Variants in SLC7A14 observed in about 807,000 individuals in gnomAD.
SLC7A14 encodes solute carrier family 7 member 14.
A neutral mutation model predicts 60.2 loss-of-function variants in SLC7A14; 37 were observed. The observed-to-expected ratio is 0.61, with a 90% confidence interval of 0.47 to 0.81. The LOEUF (loss-of-function observed/expected upper bound fraction) is 0.81. Ranked by LOEUF, SLC7A14 falls within the 30% of genes least tolerant of loss-of-function variation. The pLI, the probability that SLC7A14 is intolerant of heterozygous loss-of-function variation, is 0.00. For missense variants in SLC7A14, 886 were observed against 982.7 expected (o/e 0.90, Z 1.32); for synonymous variants, 399 against 395.8 (o/e 1.01, Z -0.10).
chr3:170,459,947 G>C lies in SLC7A14; in HGVS notation c.*7108C>G, dbSNP rs1739561422. On this transcript the variant is annotated 3_prime_UTR_variant, in exon 8 of 8. Transcript: ENST00000231706. ...GCATTTATTAAAATATACACATTTT[G>C]TTAAATTTAGAATTTTCCCTTAGTA... is the stretch of plus-strand genomic sequence containing the variant. 1 of 152,086 alleles carries C rather than the reference G, an allele frequency of 6.6e-6. No homozygotes were observed. The highest frequency in any genetic ancestry group is 1.5e-5 in the Non-Finnish European group (1 of 68,000). The allele number at this position is 152,086 out of a possible 1,614,324, so 9.4% of individuals were successfully genotyped here. A position where few individuals can be genotyped will look rare whatever the true frequency, so the allele number is the denominator to read the frequency against.
At chr3:170,499,793 G>T (rs915857900) in intron 3 of SLC7A14, among the ~76,000 whole-genome samples, 5 of 152,172 alleles carry the variant, frequency 3.3e-5, no homozygotes, top group South Asian at 2.1e-4. Flanking sequence ...CAGCTGCAGG[G>T]ATCTTGAATT....
chr3:170,556,462 C>T (rs1270617428), intron 1 of SLC7A14, among the ~76,000 whole-genome samples: 1 of 152,206 alleles, frequency 6.6e-6, no homozygotes, highest in Non-Finnish European at 1.5e-5. Context: ...TTAATCATGT[C>T]TACTTTGCAG....
At chr3:170,534,149 A>G (rs946952007) in intron 1 of SLC7A14, among the ~76,000 whole-genome samples, 3 of 152,170 alleles carry the variant, frequency 2.0e-5, no homozygotes, top group Non-Finnish European at 4.4e-5. Flanking sequence ...TACAATGGTG[A>G]TGTTTGTCTC....
chr3:170,553,418 G>A (rs1283526221), intron 1 of SLC7A14, among the ~76,000 whole-genome samples: 7 of 152,144 alleles, frequency 4.6e-5, no homozygotes, highest in Admixed American at 2.0e-4. Flanking sequence ...CAATCTGTAC[G>A]TGTAATTTTA....
intron 1 of SLC7A14, among the ~76,000 whole-genome samples, chr3:170,541,436 A>T (rs1333683503): frequency 6.6e-6 from 1 of 152,024 alleles, no homozygotes; most frequent in Non-Finnish European, 1.5e-5. Flanking sequence ...CATCTCTATC[A>T]AAAGAAAAAA....
At chr3:170,571,410 A>G (rs1321654074) in intron 1 of SLC7A14, among the ~76,000 whole-genome samples, 1 of 152,218 alleles carries the variant, frequency 6.6e-6, no homozygotes, top group Non-Finnish European at 1.5e-5. Context: ...TTGTTTTTGT[A>G]AGCAGTAAGT....
chr3:170,481,091 G>A lies in SLC7A14; in HGVS notation c.1191C>T (p.Leu397=). The A allele has an allele frequency of 6.2e-7, 1 of 1,614,132 alleles. No individual in the cohort carries two copies. Among genetic ancestry groups the A allele is most frequent in the East Asian group, 2.2e-5 (1 of 44,872 alleles). Residue 397 remains leucine, a synonymous_variant, in exon 7 of 8, where the codon CTC becomes CTT. Coordinates refer to ENST00000231706, the MANE Select transcript of SLC7A14 (RefSeq NM_020949.3). ...CTCTCAAGCTGACCAACAGTGCGAG[G>A]AGCGCTGCCAGGAACCCCGACACGA... ...ACIVSGFLAA[L]LALLVSLRDL... is the part of the protein sequence containing the mutation.
intron 1 of SLC7A14, among the ~76,000 whole-genome samples, chr3:170,551,926 TTATC>T (rs556549891): frequency 4.7e-4 from 71 of 152,322 alleles, no homozygotes; most frequent in African/African-American, 1.7e-3. Context: ...GTAGTCTAAT[TTATC>T]TATTTTTCCT....
At chr3:170,507,413 C>T (rs1020696950) in intron 2 of SLC7A14, among the ~76,000 whole-genome samples, 1 of 152,136 alleles carries the variant, frequency 6.6e-6, no homozygotes, top group Non-Finnish European at 1.5e-5. Context: ...TCTTGGAGCT[C>T]AGTGCGGTGA....
chr3:170,536,536 A>T (rs1033377983), intron 1 of SLC7A14, among the ~76,000 whole-genome samples: 1 of 152,202 alleles, frequency 6.6e-6, no homozygotes, highest in Non-Finnish European at 1.5e-5. Flanking sequence ...GTCATTTCTA[A>T]ATACATGCAG....
intron 7 of SLC7A14, among the ~76,000 whole-genome samples, chr3:170,469,516 G>C (rs941593546): frequency 1.3e-4 from 20 of 151,996 alleles, no homozygotes; most frequent in African/African-American, 4.6e-4. Context: ...GTGGCTATGG[G>C]GGATGGTTAT....
At chr3:170,584,777 C>T (rs775260361) in intron 1 of SLC7A14, among the ~76,000 whole-genome samples, 1 of 152,182 alleles carries the variant, frequency 6.6e-6, no homozygotes, top group Non-Finnish European at 1.5e-5. Flanking sequence ...CCAGCGCTCT[C>T]CTAGACCCTA....
chr3:170,526,856 T>C lies in SLC7A14; in HGVS notation c.81A>G (p.Leu27=), dbSNP rs1012378883. ...GCATGGACTCCACTGGTTTGGTGCG[T>C]AGGATCCTGGAGTGCATTGCATACC... ...AAWYAMHSRI[L]RTKPVESMLE... is the part of the protein sequence containing the mutation. The change falls in exon 2 of 8, where the codon CTA becomes CTG. Residue 27 remains leucine, a synonymous_variant. Transcript: ENST00000231706. 1 of 1,614,048 alleles carries C rather than the reference T, an allele frequency of 6.2e-7. No homozygotes were observed.
rs919715051 is a variant in SLC7A14, at chr3:170,464,326, C to T, written c.*2729G>A. The T allele has an allele frequency of 3.9e-5, 6 of 152,234 alleles. No homozygotes were observed. Among genetic ancestry groups the T allele is most frequent in the Non-Finnish European group, 5.9e-5 (4 of 68,038 alleles). 9.4% of individuals were successfully genotyped at this position (152,234 alleles called of 1,614,324 possible). A position where few individuals can be genotyped will look rare whatever the true frequency, so the allele number is the denominator to read the frequency against. On this transcript the variant is annotated 3_prime_UTR_variant, in exon 8 of 8. Transcript: ENST00000231706. ...CAATAAAATGTAGGTCTTCCTTGGACTCCCTTCAAGGGGCAAAGTTTCTAA... is the reference window on the plus strand; with the variant it reads ...CAATAAAATGTAGGTCTTCCTTGGATTCCCTTCAAGGGGCAAAGTTTCTAA...
chr3:170,515,637 G>A (rs542104370), intron 2 of SLC7A14, among the ~76,000 whole-genome samples: 3 of 151,930 alleles, frequency 2.0e-5, no homozygotes, highest in African/African-American at 7.2e-5. Context: ...GGTGGGGGGG[G>A]AGTTGAGACA....
At chr3:170,511,178 T>C (rs769585529) in intron 2 of SLC7A14, among the ~76,000 whole-genome samples, 4 of 151,982 alleles carry the variant, frequency 2.6e-5, no homozygotes, top group Non-Finnish European at 5.9e-5. Context: ...CTGAGGTGGG[T>C]GGATCACTCG....
At chr3:170,493,825 G>A (rs906072676) in intron 4 of SLC7A14, among the ~76,000 whole-genome samples, 1 of 152,208 alleles carries the variant, frequency 6.6e-6, no homozygotes, top group African/African-American at 2.4e-5. Context: ...CCAAGGCCAG[G>A]CAGAGTGCAG....
rs113114531 is a variant in SLC7A14 at position 170,549,214 on chromosome 3, CT to C, written c.-152-22127del. On this transcript the variant is annotated intron_variant, in intron 1 of 7. Transcript: ENST00000231706. Reference sequence around the variant, plus strand: ...TCCAGACTGGGACACCGGCCTTCTTCTTTTTTTTTTTTTTTTTTTGAGACGG... The same window carrying C: ...TCCAGACTGGGACACCGGCCTTCTTCTTTTTTTTTTTTTTTTTTGAGACGG... Among the ~76,000 whole-genome samples, 817 of 129,480 alleles carry C rather than the reference CT, an allele frequency of 6.3e-3. 9 individuals are homozygous for C. Among genetic ancestry groups the C allele is most frequent in the South Asian group, 0.052 (214 of 4,120 alleles). The allele number at this position is 129,480 out of a possible 152,430, so 84.9% of individuals were successfully genotyped here.
chr3:170,533,650 A>T (rs929394332), intron 1 of SLC7A14, among the ~76,000 whole-genome samples: 4 of 148,962 alleles, frequency 2.7e-5, no homozygotes, highest in African/African-American at 4.9e-5. Context: ...CATCTGGCCC[A>T]GTGTGTGTGT....
Sources: allele counts gnomAD v4.1 joint callset (sites outside exome capture counted in the v4.1 genomes callset), GRCh38; gene constraint gnomAD v4.1.1; transcripts MANE v1.5; gene names NCBI Gene and HGNC (gene_info 2026-07-23, HGNC 2026-07-21).